The following OPCML variants were observed in gnomAD, a reference collection of about 807,000 sequenced individuals.
The protein encoded by OPCML is opioid-binding protein/cell adhesion molecule.
OPCML carries 13 observed loss-of-function variants against 37.8 expected under a neutral mutation model. The observed-to-expected ratio is 0.34, with a 90% confidence interval of 0.22 to 0.55. The LOEUF is 0.55. Ranked by LOEUF, OPCML falls within the 20% of genes least tolerant of loss-of-function variation. The probability of loss-of-function intolerance (pLI) is 0.91; values close to 1 mark genes in which losing one functional copy is unlikely to be tolerated. For missense variants in OPCML, 341 were observed against 435.6 expected (o/e 0.78, Z 1.93); for synonymous variants, 176 against 168.8 (o/e 1.04, Z -0.33).
chr11:133,069,909 C>G (rs1379756934), intron 1 of OPCML, among the ~76,000 whole-genome samples: 5 of 152,098 alleles, frequency 3.3e-5, no homozygotes, highest in Non-Finnish European at 7.4e-5. Flanking sequence ...TGCTGTGGCT[C>G]TAGGTGGGAG....
At chr11:133,048,264 A>G (rs1948060682) in intron 1 of OPCML, among the ~76,000 whole-genome samples, 2 of 152,286 alleles carry the variant, frequency 1.3e-5, no homozygotes, top group East Asian at 1.9e-4. Context: ...TCTCCATCTT[A>G]TCAGAGAAGA....
chr11:132,530,758 C>G (rs979912759), intron 3 of OPCML, among the ~76,000 whole-genome samples: 8 of 152,122 alleles, frequency 5.3e-5, no homozygotes, highest in Non-Finnish European at 1.2e-4. Flanking sequence ...ACTGACAAAC[C>G]TCATCTCAGG....
intron 3 of OPCML, among the ~76,000 whole-genome samples, chr11:132,592,485 CTGG>C (rs2096486091): frequency 6.6e-6 from 1 of 152,352 alleles, no homozygotes; most frequent in Admixed American, 6.5e-5. Context: ...TGCTGGAATA[CTGG>C]TGACTGTCCA....
chr11:133,438,193 A>G (rs953469036), intron 1 of OPCML, among the ~76,000 whole-genome samples: 1 of 152,204 alleles, frequency 6.6e-6, no homozygotes, highest in African/African-American at 2.4e-5. Context: ...GAAGTGTAAG[A>G]ATACTAAATT....
intron 1 of OPCML, among the ~76,000 whole-genome samples, chr11:133,438,236 T>C (rs1264083119): frequency 6.6e-6 from 1 of 152,170 alleles, no homozygotes; most frequent in African/African-American, 2.4e-5. Context: ...GATATAGATG[T>C]TATAGCTGTC....
intron 1 of OPCML, chr11:133,006,813 C>A (rs1276547819): frequency 3.0e-5 from 30 of 985,308 alleles, no homozygotes; most frequent in Non-Finnish European, 3.3e-5. Flanking sequence ...CTAGCAGGAG[C>A]AGTGACACCA....
intron 2 of OPCML, among the ~76,000 whole-genome samples, chr11:132,725,089 G>A (rs1944828095): frequency 6.6e-6 from 1 of 152,192 alleles, no homozygotes; most frequent in Non-Finnish European, 1.5e-5. Flanking sequence ...ATGAGGCAGT[G>A]CCCCAGTAGG....
chr11:133,159,616 G>A (rs921232349), intron 1 of OPCML, among the ~76,000 whole-genome samples: 3 of 152,196 alleles, frequency 2.0e-5, no homozygotes, highest in Non-Finnish European at 4.4e-5. Flanking sequence ...ATTCAAGAGC[G>A]AAGTAATAAA....
intron 4 of OPCML, among the ~76,000 whole-genome samples, chr11:132,484,820 A>T (rs2096194073): frequency 6.6e-6 from 1 of 152,178 alleles, no homozygotes; most frequent in Admixed American, 6.5e-5. Context: ...TCGCAAGAAC[A>T]AAAAACCAAA....
chr11:133,150,846 G>A (rs983969258), intron 1 of OPCML, among the ~76,000 whole-genome samples: 1 of 152,204 alleles, frequency 6.6e-6, no homozygotes, highest in Admixed American at 6.5e-5. Context: ...ATGGCCACAG[G>A]GCTGAGCAAA....
chr11:132,443,223 C>T (rs982186149), intron 4 of OPCML, among the ~76,000 whole-genome samples: 4 of 152,140 alleles, frequency 2.6e-5, no homozygotes, highest in African/African-American at 9.7e-5. Context: ...AAAAGAACAA[C>T]AGGAGATGAG....
chr11:132,694,179 CTTTTTTTTTTT>C (rs1162305568), intron 2 of OPCML, among the ~76,000 whole-genome samples: 1,256 of 42,958 alleles, frequency 0.029, 7 homozygotes, highest in Middle Eastern at 0.054. Context: ...AAATCAATGT[CTTTTTTTTTTT>C]TTTTTTTTTT....
At chr11:132,910,061 A>G (rs1944372228) in intron 2 of OPCML, among the ~76,000 whole-genome samples, 1 of 152,238 alleles carries the variant, frequency 6.6e-6, no homozygotes, top group Non-Finnish European at 1.5e-5. Context: ...ATTTCCATCG[A>G]GAGAGTCGGT....
At chr11:133,044,192 T>C (rs1264493789) in intron 1 of OPCML, among the ~76,000 whole-genome samples, 1 of 152,140 alleles carries the variant, frequency 6.6e-6, no homozygotes, top group Non-Finnish European at 1.5e-5. Context: ...TGTGCACATG[T>C]GGGTGTGGAT....
At chr11:133,231,777 A>T (rs1044961193) in intron 1 of OPCML, among the ~76,000 whole-genome samples, 1 of 152,202 alleles carries the variant, frequency 6.6e-6, no homozygotes, top group Non-Finnish European at 1.5e-5. Flanking sequence ...ATTAAATGAG[A>T]CCACACATGT....
chr11:133,007,591 A>C (rs1014184543), intron 1 of OPCML: 5 of 985,310 alleles, frequency 5.1e-6, no homozygotes, highest in Non-Finnish European at 6.0e-6. Context: ...AAACTCTAGA[A>C]TTGCTTGTAG....
At chr11:132,945,953 T>C (rs957293751) in intron 1 of OPCML, among the ~76,000 whole-genome samples, 2 of 152,196 alleles carry the variant, frequency 1.3e-5, no homozygotes, top group Non-Finnish European at 2.9e-5. Flanking sequence ...CAGCTAACTT[T>C]TTGTATTTTT....
At chr11:133,213,273 A>G (rs1008912222) in intron 1 of OPCML, among the ~76,000 whole-genome samples, 2 of 148,558 alleles carry the variant, frequency 1.3e-5, no homozygotes, top group African/African-American at 5.0e-5. Flanking sequence ...TTTAAATTCT[A>G]AAGAAAACGT....
chr11:133,058,380 T>A (rs1047522380), intron 1 of OPCML, among the ~76,000 whole-genome samples: 1 of 152,104 alleles, frequency 6.6e-6, no homozygotes, highest in Non-Finnish European at 1.5e-5. Flanking sequence ...GCATGGTGTG[T>A]TTGCATGTTT....
Sources: gnomAD v4.1 joint callset for allele counts (sites outside exome capture counted in the v4.1 genomes callset) on GRCh38, gnomAD v4.1.1 for gene constraint, MANE v1.5 for transcripts, NCBI Gene and HGNC (gene_info 2026-07-23, HGNC 2026-07-21) for gene names.